Variants in HMSD observed in about 807,000 individuals in gnomAD.
The protein encoded by HMSD is histocompatibility minor serpin domain containing.
In HMSD, 13 loss-of-function variants were observed where a neutral mutation model predicts 10.0. The ratio of observed to expected loss-of-function variants is 1.31; its 90% CI spans 0.85 to 2.08. HMSD has a LOEUF of 2.08. HMSD is among the 30% of genes most tolerant of loss of function. The pLI is 0.00. For synonymous variants in HMSD, 51 were observed against 54.2 expected (o/e 0.94, Z 0.26); for missense variants, 169 against 166.3 (o/e 1.02, Z -0.09).
downstream of HMSD, among the ~76,000 whole-genome samples, chr18:63,965,389 C>T (rs28629953): frequency 9.2e-3 from 1,395 of 152,280 alleles, 21 homozygotes; most frequent in African/African-American, 0.032. Flanking sequence ...CGAAAAGATA[C>T]GTTTAGAAAC....
At chr18:63,966,772 G>T (rs966464721), downstream of HMSD, 1 of 152,226 alleles carries the variant, frequency 6.6e-6, no homozygotes, top group African/African-American at 2.4e-5. Context: ...AGTTCTCTGG[G>T]AATGTGGCCA....
chr18:63,960,338 C>T lies in HMSD; in HGVS notation c.403C>T (p.Gln135Ter). The part of the protein sequence containing the change: ...ILNSFIVSSL[Q>*]NCQI ...AAACAGTTTTATAGTCAGTTCTTTA[C>T]AAAACTGTCAAATATAAAAAGGAGT... is the stretch of plus-strand genomic sequence containing the variant. The change falls in exon 4 of 4, where the codon CAA (glutamine) becomes TAA (stop). Residue 135 changes from glutamine (Q) to a stop codon, truncating the protein, a stop_gained. Transcript: ENST00000408945. LOFTEE classifies it high-confidence loss of function. 1 of 1,582,058 alleles carries T rather than the reference C, an allele frequency of 6.3e-7. No individual in the cohort carries two copies. Among genetic ancestry groups the T allele is most frequent in the South Asian group, 1.2e-5 (1 of 85,778 alleles).
At chr18:63,959,499 A>G (rs2050375354) in intron 3 of HMSD, among the ~76,000 whole-genome samples, 1 of 152,214 alleles carries the variant, frequency 6.6e-6, no homozygotes, top group South Asian at 2.1e-4. Flanking sequence ...GTCTGAGAGC[A>G]GACGTTGCAT....
intron 3 of HMSD, chr18:63,969,379 T>TA (rs1194507723): frequency 6.6e-6 from 1 of 152,068 alleles, no homozygotes; most frequent in Non-Finnish European, 1.5e-5. Flanking sequence ...GTAGGAAAAT[T>TA]AATTGTTTAG....
chr18:63,954,593 G>A (rs1197324104), intron 3 of HMSD, 36 bp downstream of exon 3: 2 of 1,574,120 alleles, frequency 1.3e-6, no homozygotes, highest in East Asian at 4.5e-5. Flanking sequence ...AATAAAGATA[G>A]CAATGTGGTG....
chr18:63,963,578 A>G (rs778101896), downstream of HMSD, among the ~76,000 whole-genome samples: 13 of 152,256 alleles, frequency 8.5e-5, no homozygotes, highest in Admixed American at 5.2e-4. Flanking sequence ...AAAATGTTTT[A>G]CCAGTGAATT....
At chr18:63,962,083 A>G (rs77441160), downstream of HMSD, among the ~76,000 whole-genome samples, 896 of 152,356 alleles carry the variant, frequency 5.9e-3, 10 homozygotes, top group African/African-American at 0.017. Flanking sequence ...TAGGAAAAAA[A>G]GTTGATCTGA....
rs556381482 is a variant in HMSD at position 63,960,195 on chromosome 18, C to T, written c.260C>T (p.Thr87Met). The change falls in exon 4 of 4, where the codon ACG becomes ATG. Residue 87 changes from threonine to methionine, a missense_variant. Thr to Met is a moderately conservative substitution (Grantham distance 81). Transcript: ENST00000408945. ...TDSCGKFYQATIKQLDFVNDT... is the reference protein window; with the variant it reads ...TDSCGKFYQAMIKQLDFVNDT... ...TCCTGTGGCAAATTCTACCAAGCAA[C>T]GATAAAACAGCTAGACTTTGTGAAT... The T allele has an allele frequency of 6.2e-6, 10 of 1,612,560 alleles. No homozygotes were observed. The highest frequency in any genetic ancestry group is 5.0e-5 in the Admixed American group (3 of 59,764).
In HMSD at chr18:63,953,779, C is replaced by G. The variant is rs192266788; in HGVS notation, c.72+252C>G. ...GTCCAAGAAGATACCACTCCCATGT[C>G]TGGGCCTTGGTTCTGGCTAGTGGAT... On this transcript the variant is annotated intron_variant, in intron 2 of 3. Transcript: ENST00000408945. Among the ~76,000 whole-genome samples the G allele has an allele frequency of 5.2e-3, 786 of 152,332 alleles. 4 individuals carry two copies. The highest frequency in any genetic ancestry group is 8.9e-3 in the Non-Finnish European group (603 of 68,026).
chr18:63,965,181 G>A (rs76153995), downstream of HMSD, among the ~76,000 whole-genome samples: 1,671 of 152,230 alleles, frequency 0.011, 32 homozygotes, highest in South Asian at 0.076. Flanking sequence ...TTGAGGGTGT[G>A]CAGCTATTAG....
At chr18:63,959,487 T>A (rs1430719540) in intron 3 of HMSD, among the ~76,000 whole-genome samples, 1 of 152,220 alleles carries the variant, frequency 6.6e-6, no homozygotes, top group Non-Finnish European at 1.5e-5. Context: ...TAATTCGTTA[T>A]TGTCTGAGAG....
Position 63,960,362 on chromosome 18 carries a change from G to A in HMSD, c.*7G>A. 1 of 1,568,670 alleles carries A rather than the reference G, an allele frequency of 6.4e-7. No homozygotes were observed. Among genetic ancestry groups the A allele is most frequent in the African/African-American group, 1.4e-5 (1 of 72,608 alleles). On this transcript the variant is annotated 3_prime_UTR_variant, in exon 4 of 4. Coordinates refer to ENST00000408945, the MANE Select transcript of HMSD (RefSeq NM_001123366.2). ...ACAAAACTGTCAAATATAAAAAGGAGTCCTTTTTTCTCTAAACAACTATGC... is the reference window on the plus strand; with the variant it reads ...ACAAAACTGTCAAATATAAAAAGGAATCCTTTTTTCTCTAAACAACTATGC...
chr18:63,963,484 TC>T (rs1202111399), downstream of HMSD, among the ~76,000 whole-genome samples: 1 of 152,104 alleles, frequency 6.6e-6, no homozygotes, highest in Non-Finnish European at 1.5e-5. Context: ...CACCTCGGCC[TC>T]CCAAAGTGCT....
downstream of HMSD, among the ~76,000 whole-genome samples, chr18:63,963,065 T>TC (rs1568261233): frequency 1.9e-5 from 2 of 106,750 alleles, no homozygotes; most frequent in Non-Finnish European, 3.6e-5. Context: ...TTTCTTTCTT[T>TC]TCTTTCTCTT....
chr18:63,957,207 G>T (rs2050363191), intron 3 of HMSD, among the ~76,000 whole-genome samples: 1 of 151,802 alleles, frequency 6.6e-6, no homozygotes. Flanking sequence ...ACTTGCTTAG[G>T]TATCCGTGAA....
chr18:63,969,570 G>A (rs1302332820), intron 3 of HMSD: 1 of 152,144 alleles, frequency 6.6e-6, no homozygotes, highest in East Asian at 1.9e-4. Flanking sequence ...TAGAGATTTT[G>A]AAGAAATAAG....
chr18:63,959,854 T>C (rs2050376831), intron 3 of HMSD, among the ~76,000 whole-genome samples: 1 of 152,198 alleles, frequency 6.6e-6, no homozygotes, highest in Non-Finnish European at 1.5e-5. Context: ...GATTTCTATG[T>C]CTTCTTGGAG....
At chr18:63,954,159 T>C (rs1214261818) in intron 2 of HMSD, among the ~76,000 whole-genome samples, 9 of 152,228 alleles carry the variant, frequency 5.9e-5, no homozygotes, top group Admixed American at 5.2e-4. Context: ...GCAAAAGGCA[T>C]ATCCACTTAT....
Position 63,955,200 on chromosome 18 carries a change from G to C in HMSD, c.222+643G>C, listed in dbSNP as rs527991844. Among the ~76,000 whole-genome samples, 3 of 152,194 alleles carry C rather than the reference G, an allele frequency of 2.0e-5. No individual in the cohort carries two copies. In the East Asian group the frequency reaches 5.8e-4, roughly 29 times the overall value. On this transcript the variant is annotated intron_variant, in intron 3 of 3. Coordinates refer to ENST00000408945, the MANE Select transcript of HMSD (RefSeq NM_001123366.2). ...TTTGCTTCATGAGTTTTTCTCCTAT[G>C]TAATGTTATTGTACTATGCATATTG... is the stretch of plus-strand genomic sequence containing the variant.
Sources: gnomAD v4.1 joint callset for allele counts (sites outside exome capture counted in the v4.1 genomes callset) on GRCh38, gnomAD v4.1.1 for gene constraint, MANE v1.5 for transcripts, NCBI Gene and HGNC (gene_info 2026-07-23, HGNC 2026-07-21) for gene names.